Variants in LAMA2 observed in about 807,000 individuals in gnomAD.
LAMA2 encodes the protein laminin subunit alpha 2.
LAMA2 carries 269 observed loss-of-function variants against 364.8 expected under a neutral mutation model. The observed-to-expected ratio is 0.74, with a 90% CI of 0.67 to 0.82. The LOEUF is 0.82. Ranked by LOEUF, LAMA2 falls within the 40% of genes least tolerant of loss-of-function variation. LAMA2 has a pLI of 0.00. For synonymous variants in LAMA2, 1,379 were observed against 1,370.6 expected (o/e 1.01, Z -0.14); for missense variants, 3,807 against 3,873.2 (o/e 0.98, Z 0.45).
At chr6:129,280,920 C>G (rs1451395569) in intron 18 of LAMA2, among the ~76,000 whole-genome samples, 1 of 152,116 alleles carries the variant, frequency 6.6e-6, no homozygotes, top group East Asian at 1.9e-4. Context: ...TTTCACTCAT[C>G]ATCACTGAGG....
chr6:129,131,151 A>C (rs1373682300), intron 4 of LAMA2, among the ~76,000 whole-genome samples: 1 of 152,214 alleles, frequency 6.6e-6, no homozygotes, highest in African/African-American at 2.4e-5. Flanking sequence ...GTATAAAAGA[A>C]AGCAATTCAG....
At chr6:129,291,314 T>A (rs537557212) in intron 19 of LAMA2, among the ~76,000 whole-genome samples, 1 of 152,284 alleles carries the variant, frequency 6.6e-6, no homozygotes, top group Admixed American at 6.5e-5. Flanking sequence ...AGCTATGGCT[T>A]CTTTGAATTT....
chr6:129,392,166 C>T (rs1340463004), intron 36 of LAMA2, among the ~76,000 whole-genome samples: 1 of 152,052 alleles, frequency 6.6e-6, no homozygotes, highest in East Asian at 1.9e-4. Context: ...ATAAGAGTTG[C>T]GAATATGAGG....
Position 129,173,622 on chromosome 6 carries a change from G to A in LAMA2, c.1307-4084G>A, listed in dbSNP as rs1229318059. 5.3e-5 allele frequency among the ~76,000 whole-genome samples: 8 copies of A among 152,242 alleles called. No homozygotes were observed. In the East Asian group the frequency reaches 1.4e-3, roughly 26 times the overall value. On this transcript the variant is annotated intron_variant, in intron 9 of 64. Coordinates refer to ENST00000421865, the MANE Select transcript of LAMA2 (RefSeq NM_000426.4). ...AAATAGAAATATAATAATCAAGATT[G>A]TAATACTGTAATTAGATACATATTA...
chr6:129,348,630 A>G (rs1776692881), intron 30 of LAMA2, among the ~76,000 whole-genome samples: 1 of 152,122 alleles, frequency 6.6e-6, no homozygotes, highest in Admixed American at 6.6e-5. Context: ...GCATTGTAGT[A>G]AAAACATTGG....
intron 1 of LAMA2, among the ~76,000 whole-genome samples, chr6:128,978,883 G>A (rs895460469): frequency 2.0e-5 from 3 of 152,160 alleles, no homozygotes; most frequent in African/African-American, 7.2e-5. Context: ...GGCTCCACAG[G>A]AACATAGTTC....
chr6:129,224,007 C>G (rs1253297951), intron 12 of LAMA2, among the ~76,000 whole-genome samples: 1 of 152,016 alleles, frequency 6.6e-6, no homozygotes, highest in Non-Finnish European at 1.5e-5. Flanking sequence ...TGTTTGTGTC[C>G]TCTTTTATTT....
At chr6:129,446,278 T>C (rs28662156) in intron 45 of LAMA2, among the ~76,000 whole-genome samples, 1 of 151,764 alleles carries the variant, frequency 6.6e-6, no homozygotes, top group South Asian at 2.1e-4. Context: ...TTCTTTTGTC[T>C]GGTATAAACA....
chr6:129,363,430 C>G (rs1777582453), intron 32 of LAMA2, among the ~76,000 whole-genome samples: 2 of 151,666 alleles, frequency 1.3e-5, no homozygotes, highest in Admixed American at 1.3e-4. Flanking sequence ...CATGTGATTC[C>G]AATGGGCAGC....
At chr6:129,445,544 G>T in intron 44 of LAMA2, 123 bp from the exon 45 acceptor site, 1 of 834,670 alleles carries the variant, frequency 1.2e-6, no homozygotes, top group South Asian at 1.5e-5. Context: ...TGCTTTAGCT[G>T]TTATGGCCAT....
At chr6:129,215,527 T>A (rs970924305) in intron 12 of LAMA2, among the ~76,000 whole-genome samples, 1 of 152,180 alleles carries the variant, frequency 6.6e-6, no homozygotes, top group Non-Finnish European at 1.5e-5. Flanking sequence ...TAAGCCCAGC[T>A]CATATCTATT....
intron 34 of LAMA2, among the ~76,000 whole-genome samples, chr6:129,381,210 C>G (rs1778663332): frequency 6.6e-6 from 1 of 152,004 alleles, no homozygotes; most frequent in South Asian, 2.1e-4. Context: ...GGAAGATGAC[C>G]AAAATATAGA....
intron 12 of LAMA2, among the ~76,000 whole-genome samples, chr6:129,205,493 TACACACACACACACAC>T (rs767013359): frequency 6.7e-5 from 7 of 104,268 alleles, no homozygotes; most frequent in African/African-American, 1.1e-4. Flanking sequence ...TATATATATA[TACACACACACACACAC>T]ACACACACAC....
At chr6:129,171,100 A>C (rs375332254) in intron 9 of LAMA2, among the ~76,000 whole-genome samples, 78 of 152,088 alleles carry the variant, frequency 5.1e-4, no homozygotes, top group Middle Eastern at 3.4e-3. Context: ...CTGAATACGG[A>C]ACACTGATGG....
At chr6:129,062,362 T>A (rs1788978846) in intron 3 of LAMA2, among the ~76,000 whole-genome samples, 5 of 152,288 alleles carry the variant, frequency 3.3e-5, no homozygotes, top group African/African-American at 1.2e-4. Flanking sequence ...ATAGTCTGAA[T>A]CCAGACCCAA....
chr6:128,883,400 C>T, intron 1 of LAMA2, 43 bp downstream of exon 1: 1 of 1,552,362 alleles, frequency 6.4e-7, no homozygotes, highest in Non-Finnish European at 8.7e-7. Flanking sequence ...TTTGCCGGGA[C>T]CGAGATTCCT....
chr6:129,205,120 T>A (rs1583245683), intron 12 of LAMA2, among the ~76,000 whole-genome samples: 1 of 151,708 alleles, frequency 6.6e-6, no homozygotes. Flanking sequence ...CTGGGCAGGG[T>A]GGCTCATGCC....
intron 14 of LAMA2, 108 bp downstream of exon 14, chr6:129,252,403 C>A: frequency 1.3e-6 from 1 of 785,378 alleles, no homozygotes; most frequent in Non-Finnish European, 2.2e-6. Flanking sequence ...TTGCTGTCTT[C>A]AAAGAGCAGA....
chr6:129,236,664 T>G (rs1785000698), intron 12 of LAMA2, among the ~76,000 whole-genome samples: 1 of 152,162 alleles, frequency 6.6e-6, no homozygotes, highest in South Asian at 2.1e-4. Context: ...GACTTAACTC[T>G]TATTTTCCCT....
Sources: allele counts gnomAD v4.1 joint callset (sites outside exome capture counted in the v4.1 genomes callset), GRCh38; gene constraint gnomAD v4.1.1; transcripts MANE v1.5; gene names NCBI Gene and HGNC (gene_info 2026-07-23, HGNC 2026-07-21).